The following PXYLP1 variants were observed in gnomAD, a reference collection of about 807,000 sequenced individuals.
The protein encoded by PXYLP1 is acid phosphatase-like 2.
PXYLP1 carries 17 observed loss-of-function variants against 37.9 expected under a neutral mutation model. That is an observed-to-expected ratio of 0.45 (90% CI 0.31 to 0.67). PXYLP1 has a LOEUF of 0.67. Among genes scored for constraint, PXYLP1 ranks in the 30% least tolerant of loss-of-function variants. PXYLP1 has a pLI of 0.07. For synonymous variants in PXYLP1, 221 were observed against 232.2 expected (o/e 0.95, Z 0.44); for missense variants, 511 against 612.0 (o/e 0.84, Z 1.74).
At chr3:141,256,173 G>C (rs541487719) in intron 1 of PXYLP1, among the ~76,000 whole-genome samples, 1 of 152,170 alleles carries the variant, frequency 6.6e-6, no homozygotes, top group African/African-American at 2.4e-5. Context: ...TGATTCTTCC[G>C]GAGTGTGGAA....
chr3:141,248,982 T>C (rs1046168112), intron 1 of PXYLP1, among the ~76,000 whole-genome samples: 1 of 151,798 alleles, frequency 6.6e-6, no homozygotes, highest in Non-Finnish European at 1.5e-5. Flanking sequence ...CGTGGAGGGC[T>C]CCGAAAGGTC....
intron 1 of PXYLP1, among the ~76,000 whole-genome samples, chr3:141,258,226 C>T (rs1451491792): frequency 6.6e-6 from 1 of 152,188 alleles, no homozygotes; most frequent in Non-Finnish European, 1.5e-5. Context: ...ACAGTGGCTT[C>T]CCAGGCCCAG....
chr3:141,267,937 CT>C (rs1941562569), intron 2 of PXYLP1, among the ~76,000 whole-genome samples: 1 of 150,396 alleles, frequency 6.6e-6, no homozygotes, highest in South Asian at 2.1e-4. Context: ...TTCTTAGTTC[CT>C]TATCTTAAAG....
intron 1 of PXYLP1, among the ~76,000 whole-genome samples, chr3:141,257,904 CA>C (rs59070598): frequency 0.15 from 11,848 of 78,922 alleles, 696 homozygotes; most frequent in East Asian, 0.41. Flanking sequence ...AACTCTGTCT[CA>C]AAAAAAAAAA....
In PXYLP1 at chr3:141,292,615, C is replaced by T. The variant is rs374675098; in HGVS notation, c.853C>T (p.Pro285Ser). Residue 285 changes from proline to serine, a missense_variant, in exon 6 of 6, where the codon CCC (proline) becomes TCC (serine). Pro to Ser is a moderately conservative substitution (Grantham distance 74). Coordinates refer to ENST00000286353, the MANE Select transcript of PXYLP1 (RefSeq NM_001037172.3). The surrounding 1 kb of genome is among the most constrained non-coding windows in gnomAD (Gnocchi z 4.3). ...GGAGATGGCCAAGATCGTGGATGTC[C>T]CCACCAAGCAGCTTAGAGCTGCCAA... is the stretch of plus-strand genomic sequence containing the variant. ...YGEMAKIVDV[P>S]TKQLRAANPI... 29 of 1,613,838 alleles carry T rather than the reference C, an allele frequency of 1.8e-5. No individual in the cohort carries two copies. The highest frequency in any genetic ancestry group is 2.2e-5 in the Non-Finnish European group (26 of 1,179,894).
chr3:141,284,039 A>G (rs975196813), intron 4 of PXYLP1, among the ~76,000 whole-genome samples: 1 of 152,164 alleles, frequency 6.6e-6, no homozygotes, highest in East Asian at 1.9e-4. Flanking sequence ...TCCTAAAGAA[A>G]AATTTATTTT....
chr3:141,248,624 CACGTATATATACACACGT>C lies in PXYLP1; in HGVS notation c.-53-11498_-53-11481del, dbSNP rs1347004446. On this transcript the variant is annotated intron_variant, in intron 1 of 5. Transcript: ENST00000286353. ...ATATATACACACGTATATATACACA[CACGTATATATACACACGT>C]GTATATATACACACGTATATATACA... Among the ~76,000 whole-genome samples the C allele has an allele frequency of 1.7e-4, 20 of 118,930 alleles. 2 individuals are homozygous for C. The highest frequency in any genetic ancestry group is 4.2e-4 in the African/African-American group (10 of 23,740). 78.0% of individuals were successfully genotyped at this position (118,930 alleles called of 152,430 possible).
chr3:141,277,676 C>A (rs1009032753), intron 2 of PXYLP1, among the ~76,000 whole-genome samples: 1 of 152,196 alleles, frequency 6.6e-6, no homozygotes, highest in South Asian at 2.1e-4. Flanking sequence ...CCTGACCACA[C>A]GTGGTGGTGA....
intron 4 of PXYLP1, among the ~76,000 whole-genome samples, chr3:141,286,733 A>C (rs977188629): frequency 2.6e-5 from 4 of 152,220 alleles, no homozygotes; most frequent in African/African-American, 9.7e-5. Flanking sequence ...TTACCTTTTA[A>C]ATCAATCCTT....
At chr3:141,270,546 C>T (rs1037826407) in intron 2 of PXYLP1, among the ~76,000 whole-genome samples, 12 of 152,148 alleles carry the variant, frequency 7.9e-5, no homozygotes, top group Admixed American at 3.9e-4. Flanking sequence ...ACTGACAGAG[C>T]GCGTCATTAT....
rs1267913220 is a variant in PXYLP1, at chr3:141,248,704, T to C, written c.-53-11419T>C. On this transcript the variant is annotated intron_variant, in intron 1 of 5. Coordinates refer to ENST00000286353, the MANE Select transcript of PXYLP1 (RefSeq NM_001037172.3). Reference sequence around the variant, plus strand: ...ATATACACACGTATATACACACACGTGTATATATACACACGTATATACACA... The same window carrying C: ...ATATACACACGTATATACACACACGCGTATATATACACACGTATATACACA... Among the ~76,000 whole-genome samples the C allele has an allele frequency of 2.5e-3, 60 of 23,980 alleles. 5 individuals carry two copies. Among genetic ancestry groups the C allele is most frequent in the East Asian group, 6.0e-3 (3 of 504 alleles). 15.7% of individuals were successfully genotyped at this position (23,980 alleles called of 152,430 possible).
chr3:141,250,450 A>G (rs975764648), intron 1 of PXYLP1, among the ~76,000 whole-genome samples: 2 of 152,136 alleles, frequency 1.3e-5, no homozygotes, highest in Admixed American at 1.3e-4. Context: ...GTCTCTGCCC[A>G]TTCTATCCCT....
chr3:141,285,148 T>TTC (rs1553754983), intron 4 of PXYLP1, among the ~76,000 whole-genome samples: 1 of 135,034 alleles, frequency 7.4e-6, no homozygotes, highest in African/African-American at 2.8e-5. Flanking sequence ...CTTTTTCTTT[T>TTC]TTTTTTTTTT....
chr3:141,266,333 C>T (rs1241019690), intron 2 of PXYLP1, among the ~76,000 whole-genome samples: 4 of 152,198 alleles, frequency 2.6e-5, no homozygotes, highest in Admixed American at 1.3e-4. Context: ...TGGCAGGAGC[C>T]GGGCAGCTGA....
intron 1 of PXYLP1, among the ~76,000 whole-genome samples, chr3:141,249,982 G>A (rs1941105351): frequency 6.6e-6 from 1 of 152,178 alleles, no homozygotes; most frequent in African/African-American, 2.4e-5. Flanking sequence ...TCTCAAAGGA[G>A]AGAGTGGTTA....
chr3:141,272,479 T>A (rs1941687189), intron 2 of PXYLP1, among the ~76,000 whole-genome samples: 1 of 152,242 alleles, frequency 6.6e-6, no homozygotes, highest in Non-Finnish European at 1.5e-5. Flanking sequence ...TGTTCGCTAC[T>A]AACCCAAGTC....
intron 1 of PXYLP1, among the ~76,000 whole-genome samples, chr3:141,256,251 A>G (rs989672172): frequency 6.6e-6 from 1 of 152,146 alleles, no homozygotes; most frequent in Admixed American, 6.5e-5. Context: ...CCCCACCGCC[A>G]CCTGCTCTTT....
chr3:141,276,356 C>G (rs918218939), intron 2 of PXYLP1, among the ~76,000 whole-genome samples: 18 of 152,154 alleles, frequency 1.2e-4, no homozygotes, highest in African/African-American at 4.1e-4. Flanking sequence ...GACATTTTTT[C>G]TATGCATTTA....
At position 141,292,502 on chromosome 3, in the gene PXYLP1, G is replaced by T. The variant is rs1359577702; in HGVS notation, c.740G>T (p.Cys247Phe). ...CTGTTCTGCTCTGGAAGCTGCTATT[G>T]CCCGGTAAGAAACCAGTATCTGGAA... is the stretch of plus-strand genomic sequence containing the variant. ...SALFCSGSCY[C>F]PVRNQYLEKE... is the part of the protein sequence containing the mutation. Residue 247 changes from cysteine to phenylalanine, a missense_variant, in exon 6 of 6, where the codon TGC becomes TTC. Transcript: ENST00000286353. This position sits in a 1 kb window ranked among gnomAD's most constrained non-coding sequence, Gnocchi z 4.3. 9.9e-6 allele frequency: 16 copies of T among 1,614,062 alleles called. No individual in the cohort carries two copies. The highest frequency in any genetic ancestry group is 1.3e-5 in the Non-Finnish European group (15 of 1,180,042).
Sources: allele counts gnomAD v4.1 joint callset (sites outside exome capture counted in the v4.1 genomes callset), GRCh38; gene constraint gnomAD v4.1.1; non-coding constraint Gnocchi (gnomAD v3.1); transcripts MANE v1.5; gene names NCBI Gene and HGNC (gene_info 2026-07-23, HGNC 2026-07-21).